NRG3: variants seen among roughly 807,000 people sequenced by gnomAD.
NRG3 encodes the protein neuregulin 3, also known as pro-neuregulin-3, membrane-bound isoform.
NRG3 carries 31 observed loss-of-function variants against 66.9 expected under a neutral mutation model. The ratio of observed to expected loss-of-function variants is 0.46; its 90% CI spans 0.35 to 0.63. NRG3 has a LOEUF of 0.63. NRG3 is among the 20% of genes least tolerant of loss of function. The pLI is 0.00. For missense variants in NRG3, 910 were observed against 878.9 expected, an observed-to-expected ratio of 1.04 and a Z score of -0.45; for synonymous variants, 393 against 359.4, an observed-to-expected ratio of 1.09 and a Z score of -1.06.
At chr10:81,953,320 C>T (rs1385338259) in intron 1 of NRG3, among the ~76,000 whole-genome samples, 1 of 152,152 alleles carries the variant, frequency 6.6e-6, no homozygotes, top group Non-Finnish European at 1.5e-5. Context: ...GAGGTGATTT[C>T]TGTTTGTCTT....
At chr10:82,229,165 T>C in intron 1 of NRG3, 1 of 152,202 alleles carries the variant, frequency 6.6e-6, no homozygotes, top group East Asian at 1.9e-4. Flanking sequence ...TACCAGCATA[T>C]AGTCTATGAA....
At chr10:82,786,489 C>T (rs7894934) in intron 3 of NRG3, among the ~76,000 whole-genome samples, 3,202 of 152,174 alleles carry the variant, frequency 0.021, 122 homozygotes, top group African/African-American at 0.073. Flanking sequence ...CCTGCCCCCC[C>T]ATTGTGTTTT....
intron 4 of NRG3, among the ~76,000 whole-genome samples, chr10:82,914,955 CT>C (rs1283924942): frequency 6.6e-6 from 1 of 152,104 alleles, no homozygotes; most frequent in Non-Finnish European, 1.5e-5. Flanking sequence ...TAAATGAAAA[CT>C]TTTTCTTTTC....
At chr10:82,466,786 T>C (rs1053662183) in intron 2 of NRG3, among the ~76,000 whole-genome samples, 5 of 151,368 alleles carry the variant, frequency 3.3e-5, no homozygotes, top group Admixed American at 1.3e-4. Flanking sequence ...AAATAAACGA[T>C]GGTCACAGGA....
chr10:82,781,211 GT>G, intron 3 of NRG3, among the ~76,000 whole-genome samples: 1 of 152,178 alleles, frequency 6.6e-6, no homozygotes, highest in East Asian at 1.9e-4. Flanking sequence ...TATCTTTAAG[GT>G]TTATAATTGT....
At position 82,875,005 on chromosome 10, in the gene NRG3, C is replaced by T. The variant is rs76566939; in HGVS notation, c.1054+9568C>T. ...AAGCAAATGAAATATGAACCAGATC[C>T]TGTTTATAGCTATATATTCAGAATT... On this transcript the variant is annotated intron_variant, in intron 4 of 8. Coordinates refer to ENST00000372141, the MANE Select transcript of NRG3 (RefSeq NM_001010848.4). Among the ~76,000 whole-genome samples the T allele has an allele frequency of 7.2e-3, 1,098 of 152,268 alleles. 12 individuals carry two copies. Among genetic ancestry groups the T allele is most frequent in the African/African-American group, 0.025 (1,033 of 41,552 alleles).
chr10:82,683,271 T>C (rs1359718178), intron 2 of NRG3, among the ~76,000 whole-genome samples: 1 of 152,056 alleles, frequency 6.6e-6, no homozygotes, highest in African/African-American at 2.4e-5. Flanking sequence ...TTTAATTTTG[T>C]ATTTCTCCCT....
At chr10:82,092,262 C>G (rs61554531) in intron 1 of NRG3, among the ~76,000 whole-genome samples, 5,752 of 152,218 alleles carry the variant, frequency 0.038, 149 homozygotes, top group East Asian at 0.1. Context: ...CAAATTAGTT[C>G]TGCCTGACTT....
chr10:82,413,804 C>T (rs1357867079), intron 2 of NRG3, among the ~76,000 whole-genome samples: 1 of 152,104 alleles, frequency 6.6e-6, no homozygotes, highest in Admixed American at 6.6e-5. Flanking sequence ...GGCTTCTTTC[C>T]TTAAACCTCG....
At chr10:82,426,189 T>A (rs1291847860) in intron 2 of NRG3, among the ~76,000 whole-genome samples, 1 of 151,936 alleles carries the variant, frequency 6.6e-6, no homozygotes, top group East Asian at 1.9e-4. Flanking sequence ...ACACCAGAGG[T>A]TTTTCTCCCA....
intron 5 of NRG3, among the ~76,000 whole-genome samples, 184 bp downstream of exon 5, chr10:82,951,755 T>C (rs963417293): frequency 6.6e-6 from 1 of 152,208 alleles, no homozygotes; most frequent in East Asian, 1.9e-4. Flanking sequence ...TACATGCATG[T>C]ATGTGATGTG....
chr10:82,379,388 T>C (rs573867909), intron 2 of NRG3, among the ~76,000 whole-genome samples: 2 of 151,898 alleles, frequency 1.3e-5, no homozygotes, highest in South Asian at 4.2e-4. Flanking sequence ...AGAACATGAA[T>C]TAGAGAAAAT....
At chr10:82,146,205 A>G (rs1349099908) in intron 1 of NRG3, among the ~76,000 whole-genome samples, 1 of 152,206 alleles carries the variant, frequency 6.6e-6, no homozygotes, top group Admixed American at 6.5e-5. Context: ...AGATTGTAAA[A>G]GAGAATAGAG....
At chr10:82,269,452 A>T (rs1409861430) in intron 1 of NRG3, among the ~76,000 whole-genome samples, 5 of 152,088 alleles carry the variant, frequency 3.3e-5, no homozygotes, top group African/African-American at 9.7e-5. Context: ...TATACAGCTT[A>T]TCTGTATCTC....
At chr10:82,662,677 G>C (rs1479566714) in intron 2 of NRG3, among the ~76,000 whole-genome samples, 1 of 152,116 alleles carries the variant, frequency 6.6e-6, no homozygotes, top group East Asian at 1.9e-4. Flanking sequence ...GAACTCCCAG[G>C]TTTAAGGCCC....
intron 4 of NRG3, among the ~76,000 whole-genome samples, chr10:82,939,249 G>T (rs991731657): frequency 2.0e-5 from 3 of 152,082 alleles, no homozygotes; most frequent in East Asian, 3.9e-4. Context: ...TATTTGGTGG[G>T]GGTGCAGGGG....
chr10:82,261,244 T>A (rs1456419900), intron 1 of NRG3, among the ~76,000 whole-genome samples: 1 of 152,152 alleles, frequency 6.6e-6, no homozygotes, highest in Admixed American at 6.5e-5. Context: ...TGAGATCTGA[T>A]GGTTTTATAA....
At chr10:82,958,497 G>T (rs1301254257) in intron 5 of NRG3, among the ~76,000 whole-genome samples, 1 of 152,116 alleles carries the variant, frequency 6.6e-6, no homozygotes, top group African/African-American at 2.4e-5. Context: ...TACACATTAT[G>T]GTATATAGTC....
At chr10:82,718,770 C>A (rs978193644) in intron 2 of NRG3, among the ~76,000 whole-genome samples, 2 of 152,162 alleles carry the variant, frequency 1.3e-5, no homozygotes, top group African/African-American at 4.8e-5. Flanking sequence ...ATTCCAAGAG[C>A]CCCAGTCACT....
Sources: allele counts gnomAD v4.1 joint callset (sites outside exome capture counted in the v4.1 genomes callset), GRCh38; gene constraint gnomAD v4.1.1; transcripts MANE v1.5; gene names NCBI Gene and HGNC (gene_info 2026-07-23, HGNC 2026-07-21).